The following TBC1D5 variants were observed in gnomAD, a reference collection of about 807,000 sequenced individuals.
TBC1D5 encodes the protein TBC1 domain family, member 5.
A neutral mutation model predicts 100.3 loss-of-function variants in TBC1D5; 75 were observed. The observed-to-expected ratio is 0.75, with a 90% CI of 0.62 to 0.91. The LOEUF (loss-of-function observed/expected upper bound fraction) is 0.91, where lower values mean the gene tolerates loss of function less well. Among genes scored for constraint, TBC1D5 ranks in the 40% least tolerant of loss-of-function variants. The probability of loss-of-function intolerance (pLI) is 0.00; values close to 1 mark genes in which losing one functional copy is unlikely to be tolerated. For synonymous variants in TBC1D5, 323 were observed against 325.6 expected, an observed-to-expected ratio of 0.99 and a Z score of 0.09; for missense variants, 910 against 942.4, an observed-to-expected ratio of 0.97 and a Z score of 0.45.
intron 3 of TBC1D5, among the ~76,000 whole-genome samples, chr3:17,498,218 A>T (rs1402139692): frequency 6.6e-6 from 1 of 152,098 alleles, no homozygotes; most frequent in Non-Finnish European, 1.5e-5. Flanking sequence ...ATTCCTTCTT[A>T]GGAAATTCAA....
intron 13 of TBC1D5, among the ~76,000 whole-genome samples, chr3:17,349,398 T>C (rs1247835038): frequency 6.6e-6 from 1 of 152,212 alleles, no homozygotes; most frequent in Admixed American, 6.5e-5. Flanking sequence ...GTATACATTA[T>C]TCTGAAAACC....
chr3:17,653,664 G>C (rs1329842560), intron 1 of TBC1D5, among the ~76,000 whole-genome samples: 1 of 152,062 alleles, frequency 6.6e-6, no homozygotes, highest in African/African-American at 2.4e-5. Flanking sequence ...GGTGAAATAT[G>C]AACAAAATCT....
intron 2 of TBC1D5, among the ~76,000 whole-genome samples, chr3:17,609,594 T>C (rs1308114272): frequency 6.6e-6 from 1 of 152,202 alleles, no homozygotes; most frequent in Non-Finnish European, 1.5e-5. Context: ...TCTCACCTTA[T>C]CTTTTTTGGG....
At chr3:17,551,478 C>T (rs142410570) in intron 2 of TBC1D5, among the ~76,000 whole-genome samples, 7 of 152,202 alleles carry the variant, frequency 4.6e-5, no homozygotes, top group East Asian at 1.9e-4. Context: ...TGACCAATCA[C>T]GGATGAGCTG....
chr3:17,420,239 T>C (rs6442682), intron 4 of TBC1D5, among the ~76,000 whole-genome samples: 76,554 of 151,714 alleles, frequency 0.5, 21,149 homozygotes, highest in African/African-American at 0.71. Flanking sequence ...AGACAAACGT[T>C]GAAAAAGCAC....
chr3:17,409,842 G>A (rs577161162), intron 4 of TBC1D5, among the ~76,000 whole-genome samples: 8 of 152,264 alleles, frequency 5.3e-5, no homozygotes, highest in African/African-American at 1.4e-4. Flanking sequence ...GTTGGTTCAC[G>A]AAGTTTAAGA....
intron 2 of TBC1D5, among the ~76,000 whole-genome samples, chr3:17,561,700 T>TA (rs2096560485): frequency 6.6e-6 from 1 of 151,974 alleles, no homozygotes; most frequent in South Asian, 2.1e-4. Flanking sequence ...CTAAATAAAA[T>TA]AAAAAATAAG....
chr3:17,428,583 G>T, intron 3 of TBC1D5, 64 bp from the exon 4 acceptor site: 1 of 857,772 alleles, frequency 1.2e-6, no homozygotes, highest in Non-Finnish European at 1.7e-6. Flanking sequence ...TTGAAAAACT[G>T]TGTGAAAGCT....
intron 3 of TBC1D5, among the ~76,000 whole-genome samples, chr3:17,504,447 A>T (rs56694118): frequency 0.068 from 10,404 of 152,106 alleles, 689 homozygotes; most frequent in African/African-American, 0.18. Flanking sequence ...ATAATAAATT[A>T]AAAACAAAAT....
At chr3:17,478,886 C>T (rs532686871) in intron 3 of TBC1D5, among the ~76,000 whole-genome samples, 2 of 152,172 alleles carry the variant, frequency 1.3e-5, no homozygotes, top group East Asian at 1.9e-4. Flanking sequence ...TGCTTAGACA[C>T]GTAAGCAAGC....
chr3:17,255,991 G>A (rs1281740689), intron 16 of TBC1D5, among the ~76,000 whole-genome samples: 1 of 152,166 alleles, frequency 6.6e-6, no homozygotes, highest in Non-Finnish European at 1.5e-5. Context: ...AGCCGAGATT[G>A]CGCCACTGCA....
intron 3 of TBC1D5, among the ~76,000 whole-genome samples, chr3:17,503,716 C>A (rs1447243422): frequency 6.7e-6 from 1 of 149,780 alleles, no homozygotes; most frequent in Non-Finnish European, 1.5e-5. Context: ...GAATTATGTG[C>A]ATTAAACATG....
At chr3:17,391,039 C>T (rs1225053321) in intron 8 of TBC1D5, among the ~76,000 whole-genome samples, 1 of 152,092 alleles carries the variant, frequency 6.6e-6, no homozygotes, top group African/African-American at 2.4e-5. Flanking sequence ...ATACACTCCC[C>T]TAACTTCCCC....
At chr3:17,541,454 G>C (rs1408095572) in intron 2 of TBC1D5, among the ~76,000 whole-genome samples, 3 of 151,888 alleles carry the variant, frequency 2.0e-5, no homozygotes, top group African/African-American at 7.2e-5. Flanking sequence ...TGATGCTATT[G>C]TAAATGAAAT....
rs575209576 is a variant in TBC1D5 at position 17,421,535 on chromosome 3, G to A, written c.167+6915C>T. On this transcript the variant is annotated intron_variant, in intron 4 of 21. Transcript: ENST00000253692. ...AAAAAATTAACTTTCCTGAGGCAACGGCCAACTTTGTCAGCTGGCAGAGTT... is the reference window on the plus strand; with the variant it reads ...AAAAAATTAACTTTCCTGAGGCAACAGCCAACTTTGTCAGCTGGCAGAGTT... Among the ~76,000 whole-genome samples, 7 of 152,118 alleles carry A rather than the reference G, an allele frequency of 4.6e-5. No homozygotes were observed. In the South Asian group the frequency reaches 6.2e-4, roughly 14 times the overall value.
intron 1 of TBC1D5, among the ~76,000 whole-genome samples, chr3:17,664,600 C>A (rs1250591575): frequency 1.3e-5 from 2 of 152,088 alleles, no homozygotes; most frequent in Admixed American, 6.6e-5. Context: ...AAAAGAGAGG[C>A]AGAGCGAGAC....
At chr3:17,727,392 AAAAATT>A (rs1308209447) in intron 1 of TBC1D5, among the ~76,000 whole-genome samples, 3 of 152,208 alleles carry the variant, frequency 2.0e-5, no homozygotes, top group African/African-American at 4.8e-5. Flanking sequence ...AAAAAAGTAC[AAAAATT>A]AAGTATTTGA....
chr3:17,315,343 G>C (rs188740538), intron 13 of TBC1D5, among the ~76,000 whole-genome samples: 1 of 152,324 alleles, frequency 6.6e-6, no homozygotes, highest in East Asian at 1.9e-4. Flanking sequence ...ATACAAATGT[G>C]AGGGTGACAG....
chr3:17,414,381 A>C (rs1283015022), intron 4 of TBC1D5, among the ~76,000 whole-genome samples: 1 of 152,206 alleles, frequency 6.6e-6, no homozygotes, highest in African/African-American at 2.4e-5. Flanking sequence ...GGAGCCAGTA[A>C]ATTTTTGAAT....
Sources: allele counts gnomAD v4.1 joint callset (sites outside exome capture counted in the v4.1 genomes callset), GRCh38; gene constraint gnomAD v4.1.1; transcripts MANE v1.5; gene names NCBI Gene and HGNC (gene_info 2026-07-23, HGNC 2026-07-21).